The following ZNF723 variants were observed in gnomAD, a reference collection of about 807,000 sequenced individuals.
ZNF723 encodes the protein zinc finger protein 723, pseudogene.
In ZNF723, 5 loss-of-function variants were observed where a neutral mutation model predicts 9.4. The observed-to-expected ratio is 0.53, with a 90% CI of 0.28 to 1.12. ZNF723 has a LOEUF of 1.12. Ranked by LOEUF, ZNF723 falls within the 50% of genes most tolerant of loss-of-function variation. The pLI, the probability that ZNF723 is intolerant of heterozygous loss-of-function variation, is 0.10. For synonymous variants in ZNF723, 158 were observed against 168.8 expected, an observed-to-expected ratio of 0.94 and a Z score of 0.49; for missense variants, 450 against 501.5, an observed-to-expected ratio of 0.90 and a Z score of 0.98.
At chr19:22,845,394 T>C (rs940431920) in intron 1 of ZNF723, among the ~76,000 whole-genome samples, 9 of 152,164 alleles carry the variant, frequency 5.9e-5, no homozygotes, top group African/African-American at 2.2e-4. Context: ...ACGGGTTCTT[T>C]TTATTGTTGG....
upstream of ZNF723, among the ~76,000 whole-genome samples, chr19:22,827,437 T>TTG (rs71180602): frequency 0.11 from 14,247 of 126,816 alleles, 1,477 homozygotes; most frequent in African/African-American, 0.3. Flanking sequence ...TTTTTTTTTT[T>TTG]GTTTTTTTGT....
chr19:22,856,575 G>T (rs575283521), intron 3 of ZNF723, among the ~76,000 whole-genome samples: 1 of 151,924 alleles, frequency 6.6e-6, no homozygotes, highest in African/African-American at 2.4e-5. Context: ...TATATTCATC[G>T]CTTGCTACAC....
chr19:22,825,369 CAT>C, the ZNF723 span, among the ~76,000 whole-genome samples: 230 of 152,330 alleles, frequency 1.5e-3, no homozygotes, highest in African/African-American at 5.2e-3. Flanking sequence ...AAAGCTGAGA[CAT>C]GTGCAGAATT....
the ZNF723 span, among the ~76,000 whole-genome samples, chr19:22,815,281 A>G: frequency 1.3e-5 from 2 of 152,116 alleles, no homozygotes; most frequent in Non-Finnish European, 2.9e-5. Flanking sequence ...TGTATCTGAC[A>G]CCTAAGATAT....
chr19:22,848,149 A>G (rs1453456880), intron 1 of ZNF723, 112 bp from the exon 2 acceptor site: 2 of 465,560 alleles, frequency 4.3e-6, no homozygotes, highest in East Asian at 6.9e-5. Flanking sequence ...TCATTCCTAT[A>G]AGTCAGAACC....
At chr19:22,854,059 C>G (rs74343644) in intron 3 of ZNF723, among the ~76,000 whole-genome samples, 1 of 113,268 alleles carries the variant, frequency 8.8e-6, no homozygotes, top group African/African-American at 3.1e-5. Context: ...CAGAAAGTGG[C>G]GTATTAAAAT....
chr19:22,837,220 G>T (rs1055236000), intron 1 of ZNF723, among the ~76,000 whole-genome samples: 1 of 151,236 alleles, frequency 6.6e-6, no homozygotes, highest in Non-Finnish European at 1.5e-5. Flanking sequence ...TTGAACCCTG[G>T]AGGCAGAGAT....
the ZNF723 span, among the ~76,000 whole-genome samples, chr19:22,814,257 G>T: frequency 4.6e-5 from 7 of 152,142 alleles, no homozygotes; most frequent in African/African-American, 1.7e-4. Flanking sequence ...TCTCAGACTC[G>T]ATTGTAACTC....
chr19:22,843,650 A>G (rs1432780078), intron 1 of ZNF723, among the ~76,000 whole-genome samples: 1 of 152,174 alleles, frequency 6.6e-6, no homozygotes, highest in African/African-American at 2.4e-5. Flanking sequence ...GATGTGTGCA[A>G]AAAAATTTGC....
At chr19:22,848,188 C>A in intron 1 of ZNF723, 73 bp from the exon 2 acceptor site, 1 of 566,352 alleles carries the variant, frequency 1.8e-6, no homozygotes, top group Non-Finnish European at 3.1e-6. Context: ...ATTTCACCTT[C>A]AGTCAAATTA....
chr19:22,815,586 C>T, the ZNF723 span, among the ~76,000 whole-genome samples: 1 of 152,134 alleles, frequency 6.6e-6, no homozygotes, highest in East Asian at 1.9e-4. Flanking sequence ...TGTGACTTTC[C>T]TGGTTGCTCC....
At chr19:22,840,460 C>G (rs563391562) in intron 1 of ZNF723, 1 of 152,116 alleles carries the variant, frequency 6.6e-6, no homozygotes, top group South Asian at 2.1e-4. Context: ...TATGAGCCAC[C>G]GCAACTGGCC....
chr19:22,848,156 A>C (rs538617704), intron 1 of ZNF723, 105 bp from the exon 2 acceptor site: 1 of 504,650 alleles, frequency 2.0e-6, no homozygotes, highest in African/African-American at 2.0e-5. Context: ...TATAAGTCAG[A>C]ACCTGTTCTC....
chr19:22,820,282 G>A, the ZNF723 span, among the ~76,000 whole-genome samples: 1 of 152,074 alleles, frequency 6.6e-6, no homozygotes, highest in African/African-American at 2.4e-5. Context: ...CCCCAAACCA[G>A]GTGGTGTGTC....
chr19:22,813,550 G>T, the ZNF723 span, among the ~76,000 whole-genome samples: 1 of 151,894 alleles, frequency 6.6e-6, no homozygotes, highest in Non-Finnish European at 1.5e-5. Context: ...TCTCCTATTT[G>T]TTCCCTGCTC....
intron 1 of ZNF723, among the ~76,000 whole-genome samples, chr19:22,844,376 A>G (rs1967282859): frequency 6.6e-6 from 1 of 152,146 alleles, no homozygotes; most frequent in Non-Finnish European, 1.5e-5. Context: ...TATTGTATAC[A>G]TTTTCTTTAA....
the ZNF723 span, among the ~76,000 whole-genome samples, chr19:22,814,788 CATA>C: frequency 2.6e-5 from 4 of 152,136 alleles, no homozygotes. Flanking sequence ...GGAATTGTGG[CATA>C]TCACTGAACT....
rs902824826 is a variant in ZNF723, at chr19:22,858,505, C to T, written c.*72C>T. On this transcript the variant is annotated 3_prime_UTR_variant, in exon 4 of 4. Transcript: ENST00000600766. ...GCTGGTGGCCAGGCACAGTAGCTTA[C>T]GCCTGTAATCCCAGCACTTTGGGAG... is the stretch of plus-strand genomic sequence containing the variant. 2.0e-5 allele frequency: 12 copies of T among 596,098 alleles called. No homozygotes were observed. Among genetic ancestry groups the T allele is most frequent in the African/African-American group, 5.6e-5 (3 of 53,836 alleles). The allele number at this position is 596,098 out of a possible 1,614,324, so 36.9% of individuals were successfully genotyped here. A position where few individuals can be genotyped will look rare whatever the true frequency, so the allele number is the denominator to read the frequency against.
intron 1 of ZNF723, chr19:22,840,385 G>A (rs1161735370): frequency 6.6e-6 from 1 of 151,048 alleles, no homozygotes; most frequent in Admixed American, 6.6e-5. Flanking sequence ...TGGTCAGACT[G>A]GTCTCGAACT....
Sources: gnomAD v4.1 joint callset for allele counts (sites outside exome capture counted in the v4.1 genomes callset) on GRCh38, gnomAD v4.1.1 for gene constraint, MANE v1.5 for transcripts, NCBI Gene and HGNC (gene_info 2026-07-23, HGNC 2026-07-21) for gene names.